BCKDHB: variants seen among roughly 807,000 people sequenced by gnomAD.
BCKDHB encodes 2-oxoisovalerate dehydrogenase subunit beta, mitochondrial.
BCKDHB carries 41 observed loss-of-function variants against 48.5 expected under a neutral mutation model. That is an observed-to-expected ratio of 0.85 (90% CI 0.66 to 1.10). The LOEUF is 1.10. Ranked by LOEUF, BCKDHB falls within the 50% of genes least tolerant of loss-of-function variation. The pLI, the probability that BCKDHB is intolerant of heterozygous loss-of-function variation, is 0.00. For missense variants in BCKDHB, 496 were observed against 494.2 expected, an observed-to-expected ratio of 1.00 and a Z score of -0.03; for synonymous variants, 201 against 174.8, an observed-to-expected ratio of 1.15 and a Z score of -1.18.
chr6:80,195,267 A>T (rs1426808633), intron 6 of BCKDHB, among the ~76,000 whole-genome samples: 1 of 152,104 alleles, frequency 6.6e-6, no homozygotes, highest in African/African-American at 2.4e-5. Context: ...CGATAATTTA[A>T]GGTGAAGGGG....
At position 80,140,039 on chromosome 6, in the gene BCKDHB, C is replaced by T. The variant is rs912248760; in HGVS notation, c.343+10810C>T. ...CTTCACTTCCCTTGTAAGGTGGATT[C>T]CTAAGTATTTTATTCTCTTTGAAGC... On this transcript the variant is annotated intron_variant, in intron 3 of 9. Transcript: ENST00000320393. 1.7e-3 allele frequency among the ~76,000 whole-genome samples: 261 copies of T among 152,196 alleles called. 1 individual carries two copies. Among genetic ancestry groups the T allele is most frequent in the African/African-American group, 5.9e-3 (247 of 41,520 alleles).
chr6:80,206,548 TGTG>T (rs1774671371), intron 8 of BCKDHB, among the ~76,000 whole-genome samples: 1 of 151,642 alleles, frequency 6.6e-6, no homozygotes, highest in Non-Finnish European at 1.5e-5. Context: ...AGTTTGTGTG[TGTG>T]TGTGTGTGTG....
chr6:80,272,993 C>T, intron 8 of BCKDHB, 142 bp from the exon 9 acceptor site: 1 of 717,852 alleles, frequency 1.4e-6, no homozygotes, highest in Non-Finnish European at 2.3e-6. Context: ...CGAGTTGTAA[C>T]TTATTGGCAT....
intron 6 of BCKDHB, among the ~76,000 whole-genome samples, chr6:80,183,042 A>G (rs190795523): frequency 6.6e-6 from 1 of 152,254 alleles, no homozygotes; most frequent in Admixed American, 6.5e-5. Context: ...TATTTTAAAA[A>G]ATGTTGAAGA....
chr6:80,331,645 C>T (rs1287559926), intron 9 of BCKDHB, among the ~76,000 whole-genome samples: 1 of 152,144 alleles, frequency 6.6e-6, no homozygotes, highest in Non-Finnish European at 1.5e-5. Flanking sequence ...AATCTGCAGT[C>T]GGTTGTTCTG....
chr6:80,150,723 ATTG>A (rs1309074749), intron 3 of BCKDHB, among the ~76,000 whole-genome samples: 1 of 151,388 alleles, frequency 6.6e-6, no homozygotes, highest in Non-Finnish European at 1.5e-5. Context: ...CACACAGCTA[ATTG>A]TTGTATTTTT....
At chr6:80,173,766 A>G (rs991453043) in intron 6 of BCKDHB, among the ~76,000 whole-genome samples, 3 of 148,944 alleles carry the variant, frequency 2.0e-5, no homozygotes, top group Admixed American at 2.0e-4. Flanking sequence ...CCTCTGGTTC[A>G]GTATCACTAT....
In BCKDHB at chr6:80,169,029, A is replaced by G; in HGVS notation, c.632A>G (p.Lys211Arg). 4.3e-6 allele frequency: 7 copies of G among 1,613,870 alleles called. No individual in the cohort carries two copies. Among genetic ancestry groups the G allele is most frequent in the Non-Finnish European group, 5.9e-6 (7 of 1,179,746 alleles). ...TTTTTTGCCCATTGCCCAGGAATCA[A>G]GGTATGTTCATTTATGTACTTTATT... ...EAFFAHCPGI[K>R]VVIPRSPFQA... Residue 211 changes from lysine to arginine, a missense_variant and splice_region_variant, in exon 5 of 10, where the codon AAG becomes AGG. Coordinates refer to ENST00000320393, the MANE Select transcript of BCKDHB (RefSeq NM_183050.4).
chr6:80,361,236 C>T, the BCKDHB span, among the ~76,000 whole-genome samples: 1 of 152,000 alleles, frequency 6.6e-6, no homozygotes, highest in Non-Finnish European at 1.5e-5. Context: ...TCCAGCTTGG[C>T]GTCACATAAT....
chr6:80,111,158 A>T (rs775930380), intron 1 of BCKDHB, among the ~76,000 whole-genome samples: 92 of 152,216 alleles, frequency 6.0e-4, no homozygotes, highest in Non-Finnish European at 6.2e-4. Context: ...TTCCATTCCC[A>T]TAATGGTCGT....
intron 5 of BCKDHB, among the ~76,000 whole-genome samples, chr6:80,170,344 T>A (rs1297374830): frequency 6.6e-6 from 1 of 152,186 alleles, no homozygotes; most frequent in East Asian, 1.9e-4. Flanking sequence ...AAGTTCAGGT[T>A]TATTTTAATA....
At chr6:80,410,138 C>T in the BCKDHB span, among the ~76,000 whole-genome samples, 1 of 152,068 alleles carries the variant, frequency 6.6e-6, no homozygotes, top group Non-Finnish European at 1.5e-5. Flanking sequence ...GTAAGGCAGG[C>T]CTGGTGGTGA....
rs542398125 is a variant in BCKDHB at position 80,304,657 on chromosome 6, A to G, written c.1038+31436A>G. 2.2e-4 allele frequency among the ~76,000 whole-genome samples: 33 copies of G among 152,288 alleles called. No individual in the cohort carries two copies. In the South Asian group the frequency reaches 6.8e-3, roughly 32 times the overall value. ...ATAATTAAAGAACACAAAACTGTAA[A>G]TCAATCTCACTCAGAAACATAGGTG... is the stretch of plus-strand genomic sequence containing the variant. On this transcript the variant is annotated intron_variant, in intron 9 of 9. Transcript: ENST00000320393.
chr6:80,367,797 A>C, the BCKDHB span, among the ~76,000 whole-genome samples: 1 of 146,994 alleles, frequency 6.8e-6, no homozygotes, highest in Admixed American at 7.0e-5. Flanking sequence ...TTCTGTGATC[A>C]TGAGACATCA....
At chr6:80,120,848 C>T (rs891788141) in intron 1 of BCKDHB, among the ~76,000 whole-genome samples, 5 of 152,170 alleles carry the variant, frequency 3.3e-5, no homozygotes, top group African/African-American at 1.2e-4. Flanking sequence ...TTTTGCCGTG[C>T]AGAAGCTCTT....
At chr6:80,125,758 G>A (rs1035359929) in intron 1 of BCKDHB, among the ~76,000 whole-genome samples, 1 of 152,118 alleles carries the variant, frequency 6.6e-6, no homozygotes, top group African/African-American at 2.4e-5. Context: ...GTCTTGGGGT[G>A]CCATGGCAGA....
At chr6:80,360,027 A>T in the BCKDHB span, among the ~76,000 whole-genome samples, 2 of 152,242 alleles carry the variant, frequency 1.3e-5, no homozygotes, top group African/African-American at 4.8e-5. Context: ...CAAATTGCCT[A>T]ATCTTTTCTT....
chr6:80,193,979 A>G (rs1043271622), intron 6 of BCKDHB, among the ~76,000 whole-genome samples: 9 of 152,190 alleles, frequency 5.9e-5, no homozygotes, highest in African/African-American at 2.2e-4. Flanking sequence ...CTTCTTTTAC[A>G]GTTAGAGAGC....
At chr6:80,448,660 GAAGA>G in the BCKDHB span, among the ~76,000 whole-genome samples, 1 of 152,104 alleles carries the variant, frequency 6.6e-6, no homozygotes, top group African/African-American at 2.4e-5. Flanking sequence ...CACAAAAGTG[GAAGA>G]AATAAAATGA....
Sources: allele counts gnomAD v4.1 joint callset (sites outside exome capture counted in the v4.1 genomes callset), GRCh38; gene constraint gnomAD v4.1.1; transcripts MANE v1.5; gene names NCBI Gene and HGNC (gene_info 2026-07-23, HGNC 2026-07-21).